Variants in DLGAP2 observed in about 807,000 individuals in gnomAD.
The protein encoded by DLGAP2 is disks large-associated protein 2.
In DLGAP2, 26 loss-of-function variants were observed where a neutral mutation model predicts 100.3. That is an observed-to-expected ratio of 0.26 (90% CI 0.19 to 0.36). The LOEUF is 0.36. Ranked by LOEUF, DLGAP2 falls within the 10% of genes least tolerant of loss-of-function variation. The probability of loss-of-function intolerance (pLI) is 1.00; values close to 1 mark genes in which losing one functional copy is unlikely to be tolerated. For missense variants in DLGAP2, 1,858 were observed against 1,453.2 expected (o/e 1.28, Z -4.53); for synonymous variants, 886 against 630.1 (o/e 1.41, Z -6.08).
chr8:922,364 A>G (rs1798732842), intron 2 of DLGAP2, among the ~76,000 whole-genome samples: 1 of 152,210 alleles, frequency 6.6e-6, no homozygotes, highest in Non-Finnish European at 1.5e-5. Flanking sequence ...GAGGTTATTC[A>G]AGTCATGCCG....
intron 2 of DLGAP2, among the ~76,000 whole-genome samples, chr8:1,026,030 G>T (rs1458681830): frequency 6.6e-6 from 1 of 152,192 alleles, no homozygotes; most frequent in Non-Finnish European, 1.5e-5. Context: ...AGAAGGCTCC[G>T]GCCCGTCCAG....
chr8:1,328,849 C>T (rs890792421), intron 3 of DLGAP2, among the ~76,000 whole-genome samples: 2 of 152,198 alleles, frequency 1.3e-5, no homozygotes, highest in African/African-American at 4.8e-5. Flanking sequence ...AACACAGATG[C>T]TCATGTACAC....
chr8:1,354,573 A>T (rs1287521514), intron 3 of DLGAP2, among the ~76,000 whole-genome samples: 1 of 152,194 alleles, frequency 6.6e-6, no homozygotes, highest in Non-Finnish European at 1.5e-5. Context: ...GGCCATTAAG[A>T]TGATGCTGTG....
At chr8:1,305,199 T>C (rs928527493) in intron 3 of DLGAP2, among the ~76,000 whole-genome samples, 1 of 152,172 alleles carries the variant, frequency 6.6e-6, no homozygotes, top group African/African-American at 2.4e-5. Flanking sequence ...TAGTTTAGTT[T>C]CCTCCTTTAA....
intron 3 of DLGAP2, among the ~76,000 whole-genome samples, chr8:1,472,880 C>T (rs1329547749): frequency 6.6e-6 from 1 of 152,194 alleles, no homozygotes; most frequent in East Asian, 1.9e-4. Context: ...CCATACATTC[C>T]ATTCCTAAAT....
At chr8:1,566,386 C>T (rs1025820456) in intron 6 of DLGAP2, among the ~76,000 whole-genome samples, 2 of 151,970 alleles carry the variant, frequency 1.3e-5, no homozygotes, top group African/African-American at 4.8e-5. Flanking sequence ...ACATATTTGC[C>T]CAAAATTTAT....
At chr8:1,527,755 C>G (rs1475141983) in intron 4 of DLGAP2, among the ~76,000 whole-genome samples, 1 of 152,142 alleles carries the variant, frequency 6.6e-6, no homozygotes, top group Non-Finnish European at 1.5e-5. Flanking sequence ...ACAAGCAGGA[C>G]TCTACCTGCC....
intron 1 of DLGAP2, among the ~76,000 whole-genome samples, chr8:832,911 C>G (rs1186091045): frequency 6.6e-6 from 1 of 152,120 alleles, no homozygotes; most frequent in Non-Finnish European, 1.5e-5. Flanking sequence ...TCTTGGGAGT[C>G]AGTTCTTTGT....
chr8:762,485 CAG>C, intron 1 of DLGAP2, among the ~76,000 whole-genome samples: 1 of 152,252 alleles, frequency 6.6e-6, no homozygotes, highest in Middle Eastern at 3.4e-3. Flanking sequence ...GTAAAAGTAA[CAG>C]TGTCAAATTT....
intron 2 of DLGAP2, among the ~76,000 whole-genome samples, chr8:1,164,249 G>GT (rs1563224339): frequency 4.1e-4 from 9 of 21,700 alleles, no homozygotes; most frequent in African/African-American, 8.3e-4. Context: ...TTTTCTGTGA[G>GT]CCCCCCCAGG....
At chr8:1,251,699 GGT>G (rs1799043775) in intron 2 of DLGAP2, among the ~76,000 whole-genome samples, 1 of 152,184 alleles carries the variant, frequency 6.6e-6, no homozygotes, top group Non-Finnish European at 1.5e-5. Context: ...CGTGGAGTCA[GGT>G]CATCATGTCA....
chr8:867,722 G>A (rs991966703), intron 1 of DLGAP2, among the ~76,000 whole-genome samples: 18 of 152,304 alleles, frequency 1.2e-4, no homozygotes, highest in Admixed American at 7.2e-4. Flanking sequence ...CTGTGGTAGT[G>A]GATGCAGGTT....
At position 950,798 on chromosome 8, in the gene DLGAP2, A is replaced by AT. The variant is rs553266592; in HGVS notation, c.73+42839dup. Among the ~76,000 whole-genome samples the AT allele has an allele frequency of 2.6e-4, 39 of 150,110 alleles. 1 individual carries two copies. The highest frequency in any genetic ancestry group is 4.4e-4 in the African/African-American group (18 of 40,748). ...CACCGTGCCCGGCTAATTTTTTTGT[A>AT]TTTTTTTAGTAGAGATGGGGTTTCA... On this transcript the variant is annotated intron_variant, in intron 2 of 14. Coordinates refer to ENST00000637795, the MANE Select transcript of DLGAP2 (RefSeq NM_001346810.2).
At chr8:1,176,043 T>C (rs752444754) in intron 2 of DLGAP2, among the ~76,000 whole-genome samples, 10 of 152,264 alleles carry the variant, frequency 6.6e-5, no homozygotes, top group African/African-American at 1.2e-4. Flanking sequence ...GATAAGCCCA[T>C]TCATACACTG....
intron 3 of DLGAP2, among the ~76,000 whole-genome samples, chr8:1,379,951 G>A (rs1294610507): frequency 1.3e-5 from 2 of 150,558 alleles, no homozygotes; most frequent in African/African-American, 4.9e-5. Context: ...CTCCCCTCCT[G>A]CTCGGTGGGG....
intron 2 of DLGAP2, among the ~76,000 whole-genome samples, chr8:950,516 G>A (rs934593917): frequency 2.6e-5 from 4 of 152,016 alleles, no homozygotes; most frequent in Admixed American, 2.0e-4. Flanking sequence ...ATACAGCACA[G>A]TTAGTAAATT....
At position 1,460,025 on chromosome 8, in the gene DLGAP2, G is replaced by A. The variant is rs768261886; in HGVS notation, c.107-41341G>A. ...GAATGAAGTCAGTAAACCTTTTCAC[G>A]TTCTGGAATTGACAGAGGGACCATG... is the stretch of plus-strand genomic sequence containing the variant. On this transcript the variant is annotated intron_variant, in intron 3 of 14. Coordinates refer to ENST00000637795, the MANE Select transcript of DLGAP2 (RefSeq NM_001346810.2). 9.9e-5 allele frequency among the ~76,000 whole-genome samples: 15 copies of A among 152,130 alleles called. No individual in the cohort carries two copies. In the East Asian group the frequency reaches 2.1e-3, roughly 21 times the overall value.
At chr8:999,556 G>T (rs187484280) in intron 2 of DLGAP2, among the ~76,000 whole-genome samples, 7 of 150,654 alleles carry the variant, frequency 4.6e-5, no homozygotes. Flanking sequence ...TCGGCTCACT[G>T]CAAACTCCAC....
chr8:1,498,075 A>C (rs559474232), intron 3 of DLGAP2, among the ~76,000 whole-genome samples: 1 of 152,300 alleles, frequency 6.6e-6, no homozygotes, highest in South Asian at 2.1e-4. Context: ...ACTGGAAGTG[A>C]GGCCTCCCAA....
Sources: allele counts gnomAD v4.1 joint callset (sites outside exome capture counted in the v4.1 genomes callset), GRCh38; gene constraint gnomAD v4.1.1; transcripts MANE v1.5; gene names NCBI Gene and HGNC (gene_info 2026-07-23, HGNC 2026-07-21).